The following CHST9 variants were observed in gnomAD, a reference collection of about 807,000 sequenced individuals.
The protein encoded by CHST9 is carbohydrate sulfotransferase 9.
A neutral mutation model predicts 44.4 loss-of-function variants in CHST9; 41 were observed. The ratio of observed to expected loss-of-function variants is 0.92; its 90% CI spans 0.72 to 1.20. The LOEUF (loss-of-function observed/expected upper bound fraction) is 1.20, where lower values mean the gene tolerates loss of function less well. Ranked by LOEUF, CHST9 falls within the 50% of genes most tolerant of loss-of-function variation. The pLI is 0.00. For synonymous variants in CHST9, 171 were observed against 178.4 expected, an observed-to-expected ratio of 0.96 and a Z score of 0.33; for missense variants, 504 against 516.5, an observed-to-expected ratio of 0.98 and a Z score of 0.23.
At chr18:27,087,604 C>CTA (rs1430195299) in intron 2 of CHST9, among the ~76,000 whole-genome samples, 1 of 152,162 alleles carries the variant, frequency 6.6e-6, no homozygotes, top group Non-Finnish European at 1.5e-5. Context: ...ATACACAGAA[C>CTA]TATAACTCAT....
chr18:27,080,364 T>C (rs2143678429), intron 2 of CHST9, among the ~76,000 whole-genome samples: 1 of 151,946 alleles, frequency 6.6e-6, no homozygotes, highest in Middle Eastern at 3.4e-3. Flanking sequence ...TTACTTAGCC[T>C]TTAAAATTCA....
chr18:27,111,910 C>A (rs2058273916), intron 2 of CHST9, among the ~76,000 whole-genome samples: 3 of 152,092 alleles, frequency 2.0e-5, no homozygotes, highest in Non-Finnish European at 4.4e-5. Context: ...GGACTGGAAT[C>A]TACACCATTG....
intron 4 of CHST9, among the ~76,000 whole-genome samples, chr18:26,961,361 CTT>C (rs1454921752): frequency 2.6e-5 from 4 of 151,882 alleles, no homozygotes; most frequent in African/African-American, 9.7e-5. Context: ...TACTTTAGCA[CTT>C]TGTTACACGT....
intron 2 of CHST9, among the ~76,000 whole-genome samples, chr18:27,058,369 C>T (rs1357178223): frequency 1.3e-5 from 2 of 152,118 alleles, no homozygotes; most frequent in Non-Finnish European, 2.9e-5. Context: ...TGTTTATTCA[C>T]TCCTGTGCTA....
chr18:27,184,221 A>C (rs1057254717), intron 1 of CHST9, among the ~76,000 whole-genome samples: 1 of 152,162 alleles, frequency 6.6e-6, no homozygotes, highest in African/African-American at 2.4e-5. Flanking sequence ...ATCGCTTTCA[A>C]AACGCTGGGG....
At chr18:27,181,720 G>A (rs1320750030) in intron 1 of CHST9, among the ~76,000 whole-genome samples, 2 of 152,178 alleles carry the variant, frequency 1.3e-5, no homozygotes, top group Non-Finnish European at 2.9e-5. Context: ...TGTAAAGTGG[G>A]ATTGAATTTC....
chr18:26,989,000 C>T (rs968672095), intron 4 of CHST9, among the ~76,000 whole-genome samples: 1 of 151,444 alleles, frequency 6.6e-6, no homozygotes, highest in African/African-American at 2.4e-5. Context: ...AAAACAGTAC[C>T]CAGGAGGAAT....
chr18:27,089,974 C>A (rs191225179), intron 2 of CHST9, among the ~76,000 whole-genome samples: 101 of 152,148 alleles, frequency 6.6e-4, no homozygotes, highest in Non-Finnish European at 9.1e-4. Flanking sequence ...CCACGCCCGG[C>A]TAATTTTTTT....
intron 4 of CHST9, among the ~76,000 whole-genome samples, chr18:26,959,297 C>A (rs2056369590): frequency 6.6e-6 from 1 of 152,034 alleles, no homozygotes; most frequent in Admixed American, 6.6e-5. Flanking sequence ...TGGAAACAAT[C>A]GACACTGAAG....
chr18:27,162,861 G>A (rs1047929759), intron 1 of CHST9, among the ~76,000 whole-genome samples: 2 of 152,234 alleles, frequency 1.3e-5, no homozygotes, highest in East Asian at 1.9e-4. Context: ...GTGAGGAGCT[G>A]TGTTCCTTTG....
intron 2 of CHST9, among the ~76,000 whole-genome samples, chr18:27,097,358 T>G (rs2058127228): frequency 6.6e-6 from 1 of 152,004 alleles, no homozygotes; most frequent in South Asian, 2.1e-4. Flanking sequence ...CCATTCTCAC[T>G]ATGCCTATTC....
chr18:26,961,391 GGAGTAAGAGTTA>G (rs2056397869), intron 4 of CHST9, among the ~76,000 whole-genome samples: 1 of 152,122 alleles, frequency 6.6e-6, no homozygotes, highest in South Asian at 2.1e-4. Context: ...GGGTGGGAAA[GGAGTAAGAGTTA>G]CTTTTAATTT....
chr18:27,182,886 C>T (rs774652187), intron 1 of CHST9, among the ~76,000 whole-genome samples: 2 of 152,120 alleles, frequency 1.3e-5, no homozygotes, highest in Non-Finnish European at 1.5e-5. Context: ...CTTAGGTTTA[C>T]TGAATTTGGA....
chr18:26,984,923 T>C (rs1425557409), intron 4 of CHST9, among the ~76,000 whole-genome samples: 1 of 152,146 alleles, frequency 6.6e-6, no homozygotes, highest in Admixed American at 6.5e-5. Flanking sequence ...ATAACTATTT[T>C]GGAAAACTCT....
At chr18:27,126,294 C>T (rs1395345300) in intron 2 of CHST9, among the ~76,000 whole-genome samples, 1 of 152,150 alleles carries the variant, frequency 6.6e-6, no homozygotes, top group East Asian at 1.9e-4. Flanking sequence ...TAACAAAATC[C>T]TACCAGTTGT....
chr18:27,063,841 A>T (rs577225914), intron 2 of CHST9, among the ~76,000 whole-genome samples: 2 of 150,046 alleles, frequency 1.3e-5, no homozygotes, highest in African/African-American at 4.9e-5. Context: ...CCTTCAGTTG[A>T]GCCAGTTGTA....
chr18:27,010,326 T>G (rs760829490), intron 4 of CHST9, among the ~76,000 whole-genome samples: 6 of 152,184 alleles, frequency 3.9e-5, no homozygotes, highest in Non-Finnish European at 8.8e-5. Flanking sequence ...TAGTGACATA[T>G]GAAAAAAACA....
At chr18:27,129,375 T>TTTTTTA (rs1192504752) in intron 2 of CHST9, among the ~76,000 whole-genome samples, 2 of 152,142 alleles carry the variant, frequency 1.3e-5, no homozygotes, top group East Asian at 1.9e-4. Flanking sequence ...ATTTTTTATT[T>TTTTTTA]TTTTTATTTT....
chr18:26,988,333 C>T (rs1379801089), intron 4 of CHST9, among the ~76,000 whole-genome samples: 1 of 151,864 alleles, frequency 6.6e-6, no homozygotes, highest in Non-Finnish European at 1.5e-5. Context: ...AATATAAAGA[C>T]AGAAATAAAA....
Sources: allele counts gnomAD v4.1 joint callset (sites outside exome capture counted in the v4.1 genomes callset), GRCh38; gene constraint gnomAD v4.1.1; transcripts MANE v1.5; gene names NCBI Gene and HGNC (gene_info 2026-07-23, HGNC 2026-07-21).